The following PTPRD variants were observed in gnomAD, a reference collection of about 807,000 sequenced individuals.
The protein encoded by PTPRD is protein tyrosine phosphatase receptor type D.
Under a neutral mutation model 214.5 loss-of-function variants are expected in PTPRD, and 34 were observed. The ratio of observed to expected loss-of-function variants is 0.16; its 90% CI spans 0.12 to 0.21. The LOEUF (loss-of-function observed/expected upper bound fraction) is 0.21. Ranked by LOEUF, PTPRD falls within the 10% of genes least tolerant of loss-of-function variation. The pLI is 1.00. For missense variants in PTPRD, 2,545 were observed against 2,398.7 expected (o/e 1.06, Z -1.27); for synonymous variants, 1,128 against 845.7 (o/e 1.33, Z -5.79).
chr9:8,990,963 C>CCAA (rs2099364114), intron 11 of PTPRD, among the ~76,000 whole-genome samples: 1 of 151,922 alleles, frequency 6.6e-6, no homozygotes, highest in South Asian at 2.1e-4. Flanking sequence ...GTCTGTAGTC[C>CCAA]CAACACTTTG....
chr9:9,271,022 T>C (rs1220758951), intron 9 of PTPRD, among the ~76,000 whole-genome samples: 2 of 151,330 alleles, frequency 1.3e-5, no homozygotes, highest in Non-Finnish European at 3.0e-5. Flanking sequence ...GGTTCTATTT[T>C]GATCATGTTA....
intron 10 of PTPRD, among the ~76,000 whole-genome samples, chr9:9,028,971 A>G (rs2099596014): frequency 6.6e-6 from 1 of 151,916 alleles, no homozygotes; most frequent in African/African-American, 2.4e-5. Flanking sequence ...GCGTTGTCCA[A>G]TATGGTAGCC....
chr9:8,478,330 TG>T (rs1202787626), intron 30 of PTPRD, among the ~76,000 whole-genome samples: 1 of 152,170 alleles, frequency 6.6e-6, no homozygotes, highest in African/African-American at 2.4e-5. Context: ...GAAGCAACAC[TG>T]TAAGCCATGC....
In PTPRD at chr9:9,651,621, A is replaced by G. The variant is rs140094243; in HGVS notation, c.-286-76840T>C. Among the ~76,000 whole-genome samples, 902 of 151,960 alleles carry G rather than the reference A, an allele frequency of 5.9e-3. 1 individual carries two copies. The highest frequency in any genetic ancestry group is 0.01 in the Non-Finnish European group (687 of 67,974). On this transcript the variant is annotated intron_variant, in intron 7 of 45. Coordinates refer to ENST00000381196, the MANE Select transcript of PTPRD (RefSeq NM_002839.4). ...GTATTCCATGGTATATATGTACCAC[A>G]TTTTCTTTATACAGTCTATCATTCA...
At chr9:9,768,248 A>G (rs2098722479) in intron 5 of PTPRD, among the ~76,000 whole-genome samples, 1 of 152,180 alleles carries the variant, frequency 6.6e-6, no homozygotes, top group Non-Finnish European at 1.5e-5. Flanking sequence ...TTGAATTTTC[A>G]TGTACAATGA....
chr9:9,399,560 C>T (rs568041870), intron 8 of PTPRD, among the ~76,000 whole-genome samples: 22 of 152,044 alleles, frequency 1.4e-4, no homozygotes, highest in Middle Eastern at 3.4e-3. Flanking sequence ...TGGCTGTGAC[C>T]CTACCTAAAA....
intron 11 of PTPRD, among the ~76,000 whole-genome samples, chr9:8,888,236 C>T (rs554099761): frequency 1.3e-5 from 2 of 152,230 alleles, no homozygotes; most frequent in African/African-American, 4.8e-5. Context: ...GAGTGCTCAT[C>T]AAGTACTATG....
At chr9:8,537,643 G>A (rs1455968029) in intron 14 of PTPRD, among the ~76,000 whole-genome samples, 1 of 151,978 alleles carries the variant, frequency 6.6e-6, no homozygotes, top group African/African-American at 2.4e-5. Context: ...GTTAAGCTAA[G>A]AGCCTCATTA....
chr9:9,780,772 G>C (rs984039635), intron 5 of PTPRD, among the ~76,000 whole-genome samples: 2 of 152,132 alleles, frequency 1.3e-5, no homozygotes, highest in Admixed American at 6.6e-5. Context: ...TCACAAACTG[G>C]AAGCAACTAA....
At chr9:10,368,709 G>C (rs2154475924) in intron 2 of PTPRD, among the ~76,000 whole-genome samples, 1 of 152,094 alleles carries the variant, frequency 6.6e-6, no homozygotes, top group African/African-American at 2.4e-5. Flanking sequence ...ATCAAGTCTA[G>C]CATAATCTTT....
chr9:8,794,848 C>T (rs1170954163), intron 11 of PTPRD, among the ~76,000 whole-genome samples: 1 of 151,186 alleles, frequency 6.6e-6, no homozygotes, highest in Non-Finnish European at 1.5e-5. Flanking sequence ...TACATATGAA[C>T]TTATGATCAT....
Position 9,227,561 on chromosome 9 carries a change from T to C in PTPRD, c.-202-44198A>G, listed in dbSNP as rs1006677432. Among the ~76,000 whole-genome samples the C allele has an allele frequency of 4.3e-4, 66 of 152,126 alleles. 2 individuals are homozygous for C. The highest frequency in any genetic ancestry group is 2.9e-5 in the Non-Finnish European group (2 of 68,008). On this transcript the variant is annotated intron_variant, in intron 9 of 45. Transcript: ENST00000381196. ...ACAAAGGCTTGAGTATGGGCTGAACTTAGGTACTTGCTTCTAATGATTAGA... is the reference window on the plus strand; with the variant it reads ...ACAAAGGCTTGAGTATGGGCTGAACCTAGGTACTTGCTTCTAATGATTAGA...
At chr9:8,531,899 T>C (rs10815906) in intron 14 of PTPRD, among the ~76,000 whole-genome samples, 12,772 of 152,134 alleles carry the variant, frequency 0.084, 785 homozygotes, top group East Asian at 0.28. Context: ...GCCGACAAAA[T>C]TGACTTGTAC....
chr9:9,045,982 A>C (rs1323666771), intron 10 of PTPRD, among the ~76,000 whole-genome samples: 3 of 152,194 alleles, frequency 2.0e-5, no homozygotes, highest in Non-Finnish European at 4.4e-5. Flanking sequence ...ACAGTTTGTA[A>C]ACTAATCCAG....
At chr9:9,458,007 G>A (rs10977775) in intron 8 of PTPRD, among the ~76,000 whole-genome samples, 26,252 of 152,036 alleles carry the variant, frequency 0.17, 2,503 homozygotes, top group Middle Eastern at 0.29. Flanking sequence ...TTCACATTAT[G>A]TTTAAATGTG....
intron 9 of PTPRD, among the ~76,000 whole-genome samples, chr9:9,318,760 CATAAT>C (rs1395011995): frequency 5.3e-5 from 8 of 152,092 alleles, no homozygotes; most frequent in Non-Finnish European, 8.8e-5. Flanking sequence ...CTACTTTTAT[CATAAT>C]ATAATATTAT....
At chr9:9,253,700 CT>C (rs1410862001) in intron 9 of PTPRD, among the ~76,000 whole-genome samples, 1 of 152,108 alleles carries the variant, frequency 6.6e-6, no homozygotes, top group African/African-American at 2.4e-5. Flanking sequence ...TCGTAGTCCT[CT>C]TTCCTTTGGG....
intron 11 of PTPRD, among the ~76,000 whole-genome samples, chr9:8,847,006 G>A (rs1244884621): frequency 6.6e-6 from 1 of 152,100 alleles, no homozygotes; most frequent in Non-Finnish European, 1.5e-5. Flanking sequence ...ATGAGAAGAT[G>A]GGGGCCTTTC....
intron 10 of PTPRD, among the ~76,000 whole-genome samples, chr9:9,120,110 T>C (rs1240819417): frequency 6.6e-6 from 1 of 152,166 alleles, no homozygotes; most frequent in Non-Finnish European, 1.5e-5. Flanking sequence ...ATGGTCTAAA[T>C]AGCAAATGAT....
Sources: gnomAD v4.1 joint callset for allele counts (sites outside exome capture counted in the v4.1 genomes callset) on GRCh38, gnomAD v4.1.1 for gene constraint, MANE v1.5 for transcripts, NCBI Gene and HGNC (gene_info 2026-07-23, HGNC 2026-07-21) for gene names.